Variants in MAP3K13 observed in about 807,000 individuals in gnomAD.
The protein encoded by MAP3K13 is mitogen-activated protein kinase kinase kinase 13, also known as leucine zipper-bearing kinase.
MAP3K13 carries 52 observed loss-of-function variants against 104.0 expected under a neutral mutation model. The observed-to-expected ratio is 0.50, with a 90% confidence interval of 0.40 to 0.63. The LOEUF is 0.63. MAP3K13 is among the 20% of genes least tolerant of loss of function. The probability of loss-of-function intolerance (pLI) is 0.00; values close to 1 mark genes in which losing one functional copy is unlikely to be tolerated. For missense variants in MAP3K13, 914 were observed against 1,218.5 expected (o/e 0.75, Z 3.72); for synonymous variants, 394 against 442.2 (o/e 0.89, Z 1.37).
intron 2 of MAP3K13, among the ~76,000 whole-genome samples, chr3:185,336,905 CTTAT>C (rs1285336683): frequency 6.6e-6 from 1 of 152,096 alleles, no homozygotes; most frequent in Non-Finnish European, 1.5e-5. Flanking sequence ...CATGTGCCAT[CTTAT>C]TTAATCATCT....
intron 2 of MAP3K13, among the ~76,000 whole-genome samples, chr3:185,319,156 T>C (rs1239779900): frequency 6.6e-6 from 1 of 152,202 alleles, no homozygotes. Context: ...AGCCTTAGAT[T>C]TATCCATGTC....
chr3:185,411,440 A>T (rs185501321), intron 1 of MAP3K13, among the ~76,000 whole-genome samples: 3 of 152,298 alleles, frequency 2.0e-5, no homozygotes, highest in Admixed American at 1.3e-4. Context: ...ACAAATACTG[A>T]CTTCTCAGGT....
intron 1 of MAP3K13, among the ~76,000 whole-genome samples, chr3:185,370,339 C>A (rs1476584339): frequency 6.6e-6 from 1 of 152,178 alleles, no homozygotes; most frequent in Non-Finnish European, 1.5e-5. Flanking sequence ...GGATTACAGG[C>A]ATGTGCCACC....
chr3:185,398,550 G>C (rs1279124286), intron 1 of MAP3K13, among the ~76,000 whole-genome samples: 1 of 152,152 alleles, frequency 6.6e-6, no homozygotes, highest in Non-Finnish European at 1.5e-5. Context: ...GGTTAGACTT[G>C]AGTTCTGAAG....
intron 1 of MAP3K13, among the ~76,000 whole-genome samples, chr3:185,369,862 T>G (rs1026573381): frequency 2.6e-5 from 4 of 152,196 alleles, no homozygotes; most frequent in Non-Finnish European, 5.9e-5. Flanking sequence ...AAAATCAACA[T>G]GTTTTCTCTT....
chr3:185,336,834 T>G (rs1379602025), intron 2 of MAP3K13, among the ~76,000 whole-genome samples: 2 of 151,974 alleles, frequency 1.3e-5, no homozygotes, highest in Non-Finnish European at 2.9e-5. Context: ...AGTATGAATA[T>G]ATGTGTGTTT....
intron 3 of MAP3K13, among the ~76,000 whole-genome samples, chr3:185,438,872 A>G (rs185489633): frequency 6.6e-6 from 1 of 152,210 alleles, no homozygotes; most frequent in African/African-American, 2.4e-5. Flanking sequence ...GCTTTGTGAT[A>G]TATTTGATAT....
rs570790869 is a variant in MAP3K13, at chr3:185,327,638, G to A, written c.-86+41995G>A. ...AATGGTAGAAATTACAAGGCTGGGC[G>A]CAGTGGCTCACACCTGTAATACCAG... On this transcript the variant is annotated intron_variant, in intron 2 of 14. Transcript: ENST00000424227. 6.6e-5 allele frequency among the ~76,000 whole-genome samples: 10 copies of A among 152,286 alleles called. No individual in the cohort carries two copies. In the South Asian group the frequency reaches 1.9e-3, roughly 28 times the overall value.
chr3:185,314,864 C>T (rs1224886832), intron 2 of MAP3K13, among the ~76,000 whole-genome samples: 1 of 152,176 alleles, frequency 6.6e-6, no homozygotes. Context: ...TGGTCTCAAA[C>T]TCCTGGCCTC....
At chr3:185,294,958 ACT>A (rs897651457) in intron 2 of MAP3K13, among the ~76,000 whole-genome samples, 1 of 151,856 alleles carries the variant, frequency 6.6e-6, no homozygotes, top group African/African-American at 2.4e-5. Context: ...TTTTGCAATA[ACT>A]CTTCAATGGT....
chr3:185,444,776 A>C (rs1348635395), intron 4 of MAP3K13, among the ~76,000 whole-genome samples: 1 of 152,164 alleles, frequency 6.6e-6, no homozygotes, highest in African/African-American at 2.4e-5. Flanking sequence ...CTCTTTTCAA[A>C]ATATATTTGT....
intron 7 of MAP3K13, 86 bp from the exon 8 acceptor site, chr3:185,463,464 G>A: frequency 1.3e-6 from 1 of 741,548 alleles, no homozygotes; most frequent in Non-Finnish European, 2.4e-6. Context: ...AGCATGCAGG[G>A]AAAAAAAATC....
intron 2 of MAP3K13, among the ~76,000 whole-genome samples, chr3:185,286,415 G>C (rs1720513463): frequency 1.3e-5 from 2 of 151,592 alleles, no homozygotes; most frequent in South Asian, 4.1e-4. Context: ...AGTACTTCTA[G>C]GAATTCATCT....
At chr3:185,308,312 CT>C (rs2108684534) in intron 2 of MAP3K13, among the ~76,000 whole-genome samples, 1 of 152,198 alleles carries the variant, frequency 6.6e-6, no homozygotes, top group Admixed American at 6.5e-5. Context: ...CCTCTGGTGT[CT>C]TTCCATGGTA....
At chr3:185,422,436 G>A (rs1022261911) in intron 1 of MAP3K13, among the ~76,000 whole-genome samples, 2 of 152,106 alleles carry the variant, frequency 1.3e-5, no homozygotes, top group Admixed American at 6.6e-5. Context: ...AATATCAAAC[G>A]CGTATGATGA....
intron 2 of MAP3K13, among the ~76,000 whole-genome samples, chr3:185,331,509 T>C (rs1722280525): frequency 1.7e-5 from 1 of 60,448 alleles, no homozygotes; most frequent in African/African-American, 4.3e-5. Flanking sequence ...TGTGTTGTGT[T>C]ATGTAGGATA....
chr3:185,380,446 G>A (rs983920847), intron 1 of MAP3K13, among the ~76,000 whole-genome samples: 1 of 149,492 alleles, frequency 6.7e-6, no homozygotes, highest in African/African-American at 2.5e-5. Context: ...GGGAGGCAGA[G>A]GTTGCAGTGA....
intron 1 of MAP3K13, among the ~76,000 whole-genome samples, chr3:185,424,517 G>A (rs1714306887): frequency 6.6e-6 from 1 of 152,158 alleles, no homozygotes; most frequent in East Asian, 1.9e-4. Context: ...GCTGGAGCTG[G>A]CTTATACACC....
Position 185,418,011 on chromosome 3 carries a change from A to T in MAP3K13, c.-85-10486A>T. 6.2e-7 allele frequency: 1 copy of T among 1,611,612 alleles called. No individual in the cohort carries two copies. The highest frequency in any genetic ancestry group is 1.1e-5 in the South Asian group (1 of 90,980). On this transcript the variant is annotated intron_variant, in intron 1 of 13. Transcript: ENST00000265026. The surrounding 1 kb of genome is among the most constrained non-coding windows in gnomAD (Gnocchi z 4.5). ...CATACAATTCATCTAACTTCCGGAA[A>T]GCACTTTCAGTCCAAATGCAGAAAC...
Sources: allele counts gnomAD v4.1 joint callset (sites outside exome capture counted in the v4.1 genomes callset), GRCh38; gene constraint gnomAD v4.1.1; non-coding constraint Gnocchi (gnomAD v3.1); transcripts MANE v1.5; gene names NCBI Gene and HGNC (gene_info 2026-07-23, HGNC 2026-07-21).